The following WDR70 variants were observed in gnomAD, a reference collection of about 807,000 sequenced individuals.
WDR70 encodes WD repeat domain 70, also known as WD repeat-containing protein 70.
WDR70 carries 53 observed loss-of-function variants against 88.6 expected under a neutral mutation model. That is an observed-to-expected ratio of 0.60 (90% confidence interval 0.48 to 0.75). WDR70 has a LOEUF of 0.75. Among genes scored for constraint, WDR70 ranks in the 30% least tolerant of loss-of-function variants. The pLI, the probability that WDR70 is intolerant of heterozygous loss-of-function variation, is 0.00. For missense variants in WDR70, 610 were observed against 823.2 expected (o/e 0.74, Z 3.17); for synonymous variants, 280 against 270.0 (o/e 1.04, Z -0.36).
chr5:37,636,682 C>T lies in WDR70; in HGVS notation c.1092+31444C>T, dbSNP rs190242430. ...TTCTTACAAAAATGTGTAGCCTTAA[C>T]CTAATAATGAGAAAACACCAGACAA... On this transcript the variant is annotated intron_variant, in intron 10 of 17. Transcript: ENST00000265107. Among the ~76,000 whole-genome samples, 275 of 152,216 alleles carry T rather than the reference C, an allele frequency of 1.8e-3. 2 individuals carry two copies. Among genetic ancestry groups the T allele is most frequent in the African/African-American group, 6.2e-3 (258 of 41,546 alleles).
At chr5:37,599,081 A>C (rs994950942) in intron 9 of WDR70, among the ~76,000 whole-genome samples, 1 of 152,236 alleles carries the variant, frequency 6.6e-6, no homozygotes, top group Non-Finnish European at 1.5e-5. Context: ...ATTTTTCTTG[A>C]AGGACTACAT....
chr5:37,536,813 A>G (rs1375380194), intron 9 of WDR70, among the ~76,000 whole-genome samples: 1 of 152,098 alleles, frequency 6.6e-6, no homozygotes, highest in African/African-American at 2.4e-5. Context: ...TATTTTATTT[A>G]CAATTTCAAT....
At position 37,516,530 on chromosome 5, in the gene WDR70, TTCATACTGGC is replaced by T; in HGVS notation, c.862_871del (p.Thr288GlyfsTer5). The T allele has an allele frequency of 6.2e-7, 1 of 1,603,096 alleles. No individual in the cohort carries two copies. Among genetic ancestry groups the T allele is most frequent in the Middle Eastern group, 1.7e-4 (1 of 5,982 alleles). On this transcript the variant is annotated frameshift_variant, in exon 9 of 18. Coordinates refer to ENST00000265107, the MANE Select transcript of WDR70 (RefSeq NM_018034.4). LOFTEE classifies it high-confidence loss of function. The stretch of plus-strand genomic sequence containing the variant: ...ATTTTTAAGGGTCATACAGCAATGC[TTCATACTGGC>T]TCATGGCATCCCAAAATAAAGGGAG...
chr5:37,487,618 TA>T (rs1739918357), intron 8 of WDR70, among the ~76,000 whole-genome samples: 3 of 45,798 alleles, frequency 6.6e-5, no homozygotes, highest in East Asian at 5.8e-4. Flanking sequence ...TATATATATA[TA>T]TATATGTATT....
At chr5:37,526,385 A>G (rs758540411) in intron 9 of WDR70, among the ~76,000 whole-genome samples, 4 of 152,248 alleles carry the variant, frequency 2.6e-5, no homozygotes, top group Non-Finnish European at 5.9e-5. Flanking sequence ...AAAAAACCAC[A>G]TGATTATCTC....
At chr5:37,422,387 A>G (rs1318095893) in intron 5 of WDR70, among the ~76,000 whole-genome samples, 4 of 150,208 alleles carry the variant, frequency 2.7e-5, no homozygotes, top group Admixed American at 2.7e-4. Flanking sequence ...CACTTCCCGG[A>G]CTCAAGTGAT....
intron 9 of WDR70, among the ~76,000 whole-genome samples, 166 bp downstream of exon 9, chr5:37,516,756 C>G (rs1455486522): frequency 1.4e-5 from 2 of 142,724 alleles, no homozygotes; most frequent in South Asian, 4.4e-4. Context: ...GAGTCTTGCT[C>G]TGTTGCCCAG....
chr5:37,696,764 C>T (rs1053519053), intron 10 of WDR70, among the ~76,000 whole-genome samples: 6 of 152,184 alleles, frequency 3.9e-5, no homozygotes, highest in Non-Finnish European at 5.9e-5. Flanking sequence ...TGTCTTTGTT[C>T]ATATAGACCA....
chr5:37,598,169 G>A (rs1743756377), intron 9 of WDR70, among the ~76,000 whole-genome samples: 2 of 152,224 alleles, frequency 1.3e-5, no homozygotes, highest in African/African-American at 4.8e-5. Context: ...AGTACAAAAA[G>A]TTGAATACCA....
chr5:37,517,573 G>T (rs1307753372), intron 9 of WDR70, among the ~76,000 whole-genome samples: 1 of 151,872 alleles, frequency 6.6e-6, no homozygotes, highest in Non-Finnish European at 1.5e-5. Flanking sequence ...CACCATGTTG[G>T]CCAGGCTGGT....
intron 8 of WDR70, among the ~76,000 whole-genome samples, chr5:37,495,956 T>A (rs1009515292): frequency 2.0e-5 from 3 of 152,234 alleles, no homozygotes; most frequent in African/African-American, 2.4e-5. Context: ...ACCTACTATC[T>A]GTGTTCTTAT....
chr5:37,524,122 A>G (rs958405894), intron 9 of WDR70, among the ~76,000 whole-genome samples: 1 of 152,224 alleles, frequency 6.6e-6, no homozygotes, highest in Non-Finnish European at 1.5e-5. Flanking sequence ...TTCAGGAACT[A>G]CAGAGAACAC....
At chr5:37,724,872 CTA>C (rs1163160435) in intron 15 of WDR70, 60 bp from the exon 16 acceptor site, 1 of 1,396,478 alleles carries the variant, frequency 7.2e-7, no homozygotes, top group East Asian at 2.3e-5. Context: ...CATGCTTTAA[CTA>C]TGTTTTTGGA....
chr5:37,470,382 A>G (rs920188444), intron 7 of WDR70, among the ~76,000 whole-genome samples: 4 of 152,122 alleles, frequency 2.6e-5, no homozygotes, highest in South Asian at 2.1e-4. Context: ...GAAAATTACA[A>G]TACTACTAAG....
intron 17 of WDR70, among the ~76,000 whole-genome samples, chr5:37,732,664 A>G (rs1011275746): frequency 2.5e-4 from 38 of 152,166 alleles, no homozygotes; most frequent in African/African-American, 9.1e-4. Context: ...TTTCTTGTGA[A>G]CTATTTATGT....
rs181574248 is a variant in WDR70, at chr5:37,480,318, G to A, written c.840+331G>A. Among the ~76,000 whole-genome samples the A allele has an allele frequency of 8.6e-3, 1,306 of 152,026 alleles. 17 individuals carry two copies. Among genetic ancestry groups the A allele is most frequent in the African/African-American group, 0.03 (1,242 of 41,436 alleles). ...CTCTGTCTCTCTGTCTTTTTCTCTT[G>A]CCACATGTCTAGTTTGGGTCTTTTC... On this transcript the variant is annotated intron_variant, in intron 8 of 17. Coordinates refer to ENST00000265107, the MANE Select transcript of WDR70 (RefSeq NM_018034.4).
intron 5 of WDR70, among the ~76,000 whole-genome samples, chr5:37,424,351 A>C (rs537443507): frequency 6.6e-6 from 1 of 150,774 alleles, no homozygotes; most frequent in South Asian, 2.1e-4. Flanking sequence ...ACCAAAAGAC[A>C]TGCCAAATGG....
chr5:37,678,266 C>G (rs1210918354), intron 10 of WDR70, among the ~76,000 whole-genome samples: 1 of 152,118 alleles, frequency 6.6e-6, no homozygotes, highest in African/African-American at 2.4e-5. Context: ...GAATTTGATC[C>G]TGTCATCATG....
chr5:37,675,775 T>G (rs1219379533), intron 10 of WDR70, among the ~76,000 whole-genome samples: 1 of 152,098 alleles, frequency 6.6e-6, no homozygotes, highest in Non-Finnish European at 1.5e-5. Flanking sequence ...GTGAAGAAAG[T>G]CATTGGTAGC....
Sources: gnomAD v4.1 joint callset for allele counts (sites outside exome capture counted in the v4.1 genomes callset) on GRCh38, gnomAD v4.1.1 for gene constraint, MANE v1.5 for transcripts, NCBI Gene and HGNC (gene_info 2026-07-23, HGNC 2026-07-21) for gene names.